The following IMPG2 variants were observed in gnomAD, a reference collection of about 807,000 sequenced individuals.
The protein encoded by IMPG2 is IPM 200.
A neutral mutation model predicts 129.2 loss-of-function variants in IMPG2; 91 were observed. That is an observed-to-expected ratio of 0.70 (90% confidence interval 0.59 to 0.84). The LOEUF (loss-of-function observed/expected upper bound fraction) is 0.84. Among genes scored for constraint, IMPG2 ranks in the 40% least tolerant of loss-of-function variants. The pLI is 0.00. For synonymous variants in IMPG2, 510 were observed against 517.7 expected, an observed-to-expected ratio of 0.99 and a Z score of 0.20; for missense variants, 1,430 against 1,461.7, an observed-to-expected ratio of 0.98 and a Z score of 0.35.
chr3:101,255,983 C>T (rs1706594485), intron 10 of IMPG2, among the ~76,000 whole-genome samples: 1 of 147,898 alleles, frequency 6.8e-6, no homozygotes, highest in Non-Finnish European at 1.5e-5. Context: ...AGCAGAGTGT[C>T]ACATTAAAAA....
At chr3:101,313,440 A>G (rs3773915) in intron 2 of IMPG2, among the ~76,000 whole-genome samples, 19,460 of 152,166 alleles carry the variant, frequency 0.13, 1,294 homozygotes, top group Middle Eastern at 0.17. Flanking sequence ...CTTGTCAAAT[A>G]AGGATATTAT....
intron 7 of IMPG2, among the ~76,000 whole-genome samples, chr3:101,270,693 G>T (rs537512038): frequency 1.3e-5 from 2 of 152,040 alleles, no homozygotes; most frequent in Non-Finnish European, 2.9e-5. Flanking sequence ...CCAGCTAGGC[G>T]GGAGGCTGAG....
At chr3:101,250,179 A>C (rs1706528804) in intron 11 of IMPG2, among the ~76,000 whole-genome samples, 1 of 152,206 alleles carries the variant, frequency 6.6e-6, no homozygotes, top group Admixed American at 6.5e-5. Flanking sequence ...GTGCTCCTAC[A>C]TAACTTAGCA....
intron 2 of IMPG2, among the ~76,000 whole-genome samples, chr3:101,312,520 A>C (rs541111597): frequency 6.2e-4 from 95 of 152,226 alleles, no homozygotes; most frequent in African/African-American, 2.2e-3. Flanking sequence ...AAAAAGGAAA[A>C]CATTGCTGGC....
chr3:101,231,252 G>T, intron 15 of IMPG2, 107 bp from the exon 16 acceptor site: 2 of 1,042,056 alleles, frequency 1.9e-6, no homozygotes, highest in South Asian at 1.3e-5. Flanking sequence ...AATAAATGCT[G>T]ACCACGTGAA....
chr3:101,260,320 T>G (rs940313315), intron 9 of IMPG2, among the ~76,000 whole-genome samples: 1 of 152,180 alleles, frequency 6.6e-6, no homozygotes, highest in Non-Finnish European at 1.5e-5. Context: ...AGTAAGAACA[T>G]CTGCTTGTCT....
chr3:101,272,320 CAA>C (rs1706794531), intron 7 of IMPG2, among the ~76,000 whole-genome samples: 1 of 152,144 alleles, frequency 6.6e-6, no homozygotes, highest in African/African-American at 2.4e-5. Context: ...CTGTTTCATG[CAA>C]AGTGACTGTT....
At chr3:101,264,653 C>T (rs1359870417) in intron 9 of IMPG2, among the ~76,000 whole-genome samples, 2 of 151,980 alleles carry the variant, frequency 1.3e-5, no homozygotes, top group African/African-American at 2.4e-5. Context: ...CAAGAATGCC[C>T]ACTTTTACCA....
chr3:101,243,028 T>C lies in IMPG2; in HGVS notation c.2803-121A>G, dbSNP rs1706427859. 1.8e-5 allele frequency: 14 copies of C among 760,832 alleles called. No homozygotes were observed. In the South Asian group the frequency reaches 1.9e-4, roughly 10 times the overall value. 47.1% of individuals were successfully genotyped at this position (760,832 alleles called of 1,614,324 possible). A position where few individuals can be genotyped will look rare whatever the true frequency, so the allele number is the denominator to read the frequency against. On this transcript the variant is annotated intron_variant, in intron 13 of 18. Transcript: ENST00000193391. Reference sequence around the variant, plus strand: ...TGCCTCACTTTTCCTAATTGTATTTTATCTACACTTAAACTGTTAATTAAC... The same window carrying C: ...TGCCTCACTTTTCCTAATTGTATTTCATCTACACTTAAACTGTTAATTAAC...
chr3:101,289,219 G>T (rs1356503113), intron 4 of IMPG2, among the ~76,000 whole-genome samples: 1 of 152,006 alleles, frequency 6.6e-6, no homozygotes, highest in Non-Finnish European at 1.5e-5. Context: ...TTCCTGTAAG[G>T]GTATTACTAA....
chr3:101,247,950 C>G (rs1559644170), intron 11 of IMPG2, among the ~76,000 whole-genome samples: 1 of 152,160 alleles, frequency 6.6e-6, no homozygotes, highest in Non-Finnish European at 1.5e-5. Flanking sequence ...AACCTCCTCC[C>G]CCTCCTCCAG....
At chr3:101,306,297 A>C (rs922033840) in intron 2 of IMPG2, among the ~76,000 whole-genome samples, 1 of 152,236 alleles carries the variant, frequency 6.6e-6, no homozygotes, top group African/African-American at 2.4e-5. Context: ...CTAAGCCAAA[A>C]AAATTCTTAA....
intron 2 of IMPG2, among the ~76,000 whole-genome samples, chr3:101,310,274 T>C (rs191574030): frequency 1.3e-5 from 2 of 152,244 alleles, no homozygotes; most frequent in African/African-American, 2.4e-5. Context: ...AAGGATTAGA[T>C]GGTTAAGCTA....
At chr3:101,256,193 G>GAAAGAAAGAA (rs1706603752) in intron 10 of IMPG2, among the ~76,000 whole-genome samples, 6 of 148,188 alleles carry the variant, frequency 4.0e-5, no homozygotes, top group Non-Finnish European at 8.9e-5. Context: ...AAGAAAGAAA[G>GAAAGAAAGAA]AAAGAAAGAA....
rs182660492 is a variant in IMPG2, at chr3:101,230,521, T to A, written c.3422+436A>T. Among the ~76,000 whole-genome samples, 49 of 152,334 alleles carry A rather than the reference T, an allele frequency of 3.2e-4. No homozygotes were observed. The East Asian group carries it at 6.2e-3, about 19-fold the overall frequency. ...TCTCCAACATTGCTTCTCCAAATTC[T>A]TTCTGGCCATGAAATAGGCATTCTG... On this transcript the variant is annotated intron_variant, in intron 16 of 18. Coordinates refer to ENST00000193391, the MANE Select transcript of IMPG2 (RefSeq NM_016247.4).
intron 3 of IMPG2, among the ~76,000 whole-genome samples, chr3:101,295,558 C>T (rs1275922769): frequency 3.3e-5 from 5 of 151,500 alleles, no homozygotes; most frequent in East Asian, 1.9e-4. Flanking sequence ...CTTAGCTATA[C>T]GGGCCCTTTT....
At chr3:101,318,568 AG>A (rs1420714554) in intron 2 of IMPG2, among the ~76,000 whole-genome samples, 1 of 152,190 alleles carries the variant, frequency 6.6e-6, no homozygotes, top group African/African-American at 2.4e-5. Context: ...GGACAGGAAG[AG>A]GAAAAGAAGA....
rs926472701 is a variant in IMPG2 at position 101,242,769 on chromosome 3, T to G, written c.2941A>C (p.Met981Leu). ...GTGGTACAAAAGTCTTCCAGAATCA[T>G]GTACACCGCATTGTTGACGTTAGGA... ...VPPNVNNAVY[M>L]ILEDFCTTAY... Residue 981 changes from methionine to leucine, a missense_variant, in exon 14 of 19, where the codon ATG becomes CTG. Coordinates refer to ENST00000193391, the MANE Select transcript of IMPG2 (RefSeq NM_016247.4). 2 of 1,613,934 alleles carry G rather than the reference T, an allele frequency of 1.2e-6. No homozygotes were observed. The highest frequency in any genetic ancestry group is 1.3e-5 in the African/African-American group (1 of 74,928).
At chr3:101,312,222 C>T (rs1559660818) in intron 2 of IMPG2, among the ~76,000 whole-genome samples, 1 of 151,760 alleles carries the variant, frequency 6.6e-6, no homozygotes, top group East Asian at 1.9e-4. Flanking sequence ...TGAAAGATAC[C>T]ATCAAGAAAG....
Sources: allele counts gnomAD v4.1 joint callset (sites outside exome capture counted in the v4.1 genomes callset), GRCh38; gene constraint gnomAD v4.1.1; transcripts MANE v1.5; gene names NCBI Gene and HGNC (gene_info 2026-07-23, HGNC 2026-07-21).